KLHL12: variants seen among roughly 807,000 people sequenced by gnomAD.
The protein encoded by KLHL12 is kelch-like protein 12.
A neutral mutation model predicts 60.8 loss-of-function variants in KLHL12; 17 were observed. The ratio of observed to expected loss-of-function variants is 0.28; its 90% confidence interval spans 0.19 to 0.42. The LOEUF is 0.42. Ranked by LOEUF, KLHL12 falls within the 10% of genes least tolerant of loss-of-function variation. The pLI, the probability that KLHL12 is intolerant of heterozygous loss-of-function variation, is 1.00. For missense variants in KLHL12, 468 were observed against 722.3 expected (o/e 0.65, Z 4.04); for synonymous variants, 220 against 250.9 (o/e 0.88, Z 1.16).
chr1:202,923,852 G>C (rs1653351589), intron 2 of KLHL12, among the ~76,000 whole-genome samples: 1 of 110,960 alleles, frequency 9.0e-6, no homozygotes, highest in African/African-American at 3.3e-5. Context: ...TAAGATGATA[G>C]AACTAACTAA....
At chr1:202,924,476 GATGCCGTGGCTCACACCTGTA>G (rs1253785096) in intron 2 of KLHL12, among the ~76,000 whole-genome samples, 1 of 152,150 alleles carries the variant, frequency 6.6e-6, no homozygotes, top group East Asian at 1.9e-4. Flanking sequence ...AAAAAGGCTG[GATGCCGTGGCTCACACCTGTA>G]ATGCCAGGTG....
At position 202,909,076 on chromosome 1, in the gene KLHL12, T is replaced by C. The variant is rs763893056; in HGVS notation, c.766A>G (p.Lys256Glu). ...AGTTCAGGCCTCAGATGAAACTTCT[T>C]TGCTTCATCAACCAGATCCCTGCAT... ...LQCRDLVDEA[K>E]KFHLRPELRS... Residue 256 changes from lysine to glutamate, a missense_variant, in exon 6 of 12, where the codon AAG becomes GAG. By Grantham distance (56) the Lys-to-Glu change is moderately conservative. Coordinates refer to ENST00000367261, the MANE Select transcript of KLHL12 (RefSeq NM_021633.4). The surrounding 1 kb of genome is among the most constrained non-coding windows in gnomAD (Gnocchi z 4.1). 3.1e-6 allele frequency: 5 copies of C among 1,613,900 alleles called. No individual in the cohort carries two copies. Among genetic ancestry groups the C allele is most frequent in the African/African-American group, 1.3e-5 (1 of 74,882 alleles).
At chr1:202,913,682 G>C (rs1402391453) in intron 4 of KLHL12, among the ~76,000 whole-genome samples, 1 of 152,160 alleles carries the variant, frequency 6.6e-6, no homozygotes, top group Non-Finnish European at 1.5e-5. Context: ...GACTGGTGAG[G>C]CAAGGAAGGC....
At chr1:202,899,654 C>T (rs1437431092) in intron 6 of KLHL12, among the ~76,000 whole-genome samples, 4 of 149,212 alleles carry the variant, frequency 2.7e-5, no homozygotes, top group Non-Finnish European at 4.5e-5. Flanking sequence ...GGCAAAACCC[C>T]GTCTCTACTA....
intron 4 of KLHL12, among the ~76,000 whole-genome samples, chr1:202,915,977 A>T (rs1046703341): frequency 6.6e-6 from 1 of 152,248 alleles, no homozygotes; most frequent in Non-Finnish European, 1.5e-5. Context: ...ATTAGCTATT[A>T]TATGTAGTGA....
intron 6 of KLHL12, among the ~76,000 whole-genome samples, chr1:202,902,059 T>A (rs1660023148): frequency 6.6e-6 from 1 of 151,948 alleles, no homozygotes; most frequent in Admixed American, 6.6e-5. Context: ...GAAAAAAAAA[T>A]TACCCATAGT....
In KLHL12 at chr1:202,893,533, G is replaced by A; in HGVS notation, c.1394-108C>T. 1.1e-6 allele frequency: 1 copy of A among 919,698 alleles called. No homozygotes were observed. Among genetic ancestry groups the A allele is most frequent in the East Asian group, 2.6e-5 (1 of 38,078 alleles). 57.0% of individuals were successfully genotyped at this position (919,698 alleles called of 1,614,324 possible). On this transcript the variant is annotated intron_variant, in intron 10 of 11. Transcript: ENST00000367261. This position sits in a 1 kb window ranked among gnomAD's most constrained non-coding sequence, Gnocchi z 4.1. Reference sequence around the variant, plus strand: ...CTAGCTGAGTTCTACAGTAGATGAGGGATATGGAATGGGCCCACACGGGCC... The same window carrying A: ...CTAGCTGAGTTCTACAGTAGATGAGAGATATGGAATGGGCCCACACGGGCC...
intron 6 of KLHL12, among the ~76,000 whole-genome samples, chr1:202,903,743 C>T (rs527451285): frequency 1.3e-5 from 2 of 148,496 alleles, no homozygotes; most frequent in African/African-American, 4.9e-5. Context: ...CTGCCTCAAC[C>T]TCCCCAATAG....
intron 4 of KLHL12, chr1:202,911,898 A>G (rs1660374037): frequency 2.4e-6 from 2 of 838,950 alleles, no homozygotes; most frequent in Non-Finnish European, 4.2e-6. Flanking sequence ...CCAATGAAGA[A>G]AGCCTGAGGA....
chr1:202,897,400 A>G (rs1659875696), intron 6 of KLHL12, among the ~76,000 whole-genome samples: 1 of 150,546 alleles, frequency 6.6e-6, no homozygotes, highest in African/African-American at 2.4e-5. Flanking sequence ...ACGCCCAGCT[A>G]ATTTTGTATT....
chr1:202,925,846 C>T (rs1653521092), intron 1 of KLHL12, among the ~76,000 whole-genome samples: 1 of 152,158 alleles, frequency 6.6e-6, no homozygotes, highest in Admixed American at 6.5e-5. Context: ...CAGCTCACTC[C>T]TGTAATCCCA....
intron 4 of KLHL12, among the ~76,000 whole-genome samples, chr1:202,911,456 A>ATCTCTC (rs10577552): frequency 6.7e-5 from 10 of 149,344 alleles, no homozygotes; most frequent in African/African-American, 2.5e-4. Flanking sequence ...ATATATATGT[A>ATCTCTC]TCTCTCTCTC....
intron 1 of KLHL12, among the ~76,000 whole-genome samples, chr1:202,925,978 G>C (rs971320673): frequency 2.0e-5 from 3 of 151,526 alleles, no homozygotes; most frequent in Non-Finnish European, 4.4e-5. Flanking sequence ...GGTGATGCGC[G>C]CCTATAATCC....
rs2102407539 is a variant in KLHL12 at position 202,895,526 on chromosome 1, C to T, written c.1131G>A (p.Leu377=). 5 of 1,612,986 alleles carry T rather than the reference C, an allele frequency of 3.1e-6. No individual in the cohort carries two copies. Among genetic ancestry groups the T allele is most frequent in the Non-Finnish European group, 4.2e-6 (5 of 1,179,420 alleles). Residue 377 remains leucine, a synonymous_variant, in exon 8 of 12, where the codon CTG becomes CTA. Transcript: ENST00000367261. The surrounding 1 kb of genome is among the most constrained non-coding windows in gnomAD (Gnocchi z 4.2). ...TGCCCTGCACATCCAGCCTACCTCC[C>T]AGGGTGGTGGCTCCAGCAAGACCTC... The part of the protein sequence containing the change: ...VRRGLAGATT[L]GDMIYVSGGF...
At chr1:202,896,484 C>T (rs777234309) in intron 7 of KLHL12, among the ~76,000 whole-genome samples, 29 of 152,204 alleles carry the variant, frequency 1.9e-4, no homozygotes, top group Admixed American at 3.3e-4. Flanking sequence ...AGCTACCACG[C>T]CCAGCCCAAA....
chr1:202,912,687 G>A, intron 4 of KLHL12: 7 of 1,310,262 alleles, frequency 5.3e-6, no homozygotes, highest in Non-Finnish European at 7.6e-6. Flanking sequence ...TGGCTATGGT[G>A]GTTTCAGTAG....
intron 4 of KLHL12, chr1:202,912,140 T>C: frequency 2.3e-6 from 2 of 858,686 alleles, no homozygotes; most frequent in Non-Finnish European, 4.0e-6. Flanking sequence ...AAGATATTTG[T>C]TGGCAGCATT....
intron 1 of KLHL12, among the ~76,000 whole-genome samples, chr1:202,926,240 T>C (rs1653548326): frequency 6.6e-6 from 1 of 152,142 alleles, no homozygotes. Flanking sequence ...ATTCCTACTC[T>C]ACATCTGTGA....
At chr1:202,915,030 A>C (rs1660482533) in intron 4 of KLHL12, 2 of 152,190 alleles carry the variant, frequency 1.3e-5, no homozygotes, top group Admixed American at 1.3e-4. Flanking sequence ...AATTGCAGAA[A>C]AACAGCTAAC....
Sources: allele counts gnomAD v4.1 joint callset (sites outside exome capture counted in the v4.1 genomes callset), GRCh38; gene constraint gnomAD v4.1.1; non-coding constraint Gnocchi (gnomAD v3.1); transcripts MANE v1.5; gene names NCBI Gene and HGNC (gene_info 2026-07-23, HGNC 2026-07-21).